The following DNHD1 variants were observed in gnomAD, a reference collection of about 807,000 sequenced individuals.
DNHD1 encodes dynein heavy chain domain 1.
Under a neutral mutation model 458.1 loss-of-function variants are expected in DNHD1, and 383 were observed. That is an observed-to-expected ratio of 0.84 (90% confidence interval 0.77 to 0.91). The LOEUF is 0.91. Among genes scored for constraint, DNHD1 ranks in the 40% least tolerant of loss-of-function variants. The probability of loss-of-function intolerance (pLI) is 0.00; values close to 1 mark genes in which losing one functional copy is unlikely to be tolerated. For synonymous variants in DNHD1, 2,203 were observed against 2,376.9 expected (o/e 0.93, Z 2.13); for missense variants, 5,336 against 5,866.1 (o/e 0.91, Z 2.95).
intron 10 of DNHD1, among the ~76,000 whole-genome samples, chr11:6,523,043 A>G (rs981195258): frequency 1.3e-5 from 2 of 152,190 alleles, no homozygotes; most frequent in African/African-American, 4.8e-5. Context: ...ACGATCAGCT[A>G]ATCACTTTTC....
chr11:6,497,904 G>A lies in DNHD1; in HGVS notation c.-312G>A, dbSNP rs1012302995. ...ACTCTTCTGCAAGGAGGGCTCTCAC[G>A]TCTGTCTTAGGCCTGCTCCTTACCA... On this transcript the variant is annotated 5_prime_UTR_variant, in exon 3 of 43. Transcript: ENST00000254579. The A allele has an allele frequency of 5.5e-6, 2 of 364,594 alleles. No individual in the cohort carries two copies. The highest frequency in any genetic ancestry group is 1.0e-5 in the Non-Finnish European group (2 of 197,794). 22.6% of individuals were successfully genotyped at this position (364,594 alleles called of 1,614,324 possible). A position where few individuals can be genotyped will look rare whatever the true frequency, so the allele number is the denominator to read the frequency against.
At chr11:6,538,333 C>A (rs576987909) in intron 14 of DNHD1, 50 bp from the exon 15 acceptor site, 12 of 1,542,922 alleles carry the variant, frequency 7.8e-6, no homozygotes, top group African/African-American at 4.1e-5. Flanking sequence ...CCACCACCCC[C>A]CTCCCAACAC....
chr11:6,546,332 G>A lies in DNHD1; in HGVS notation c.5393G>A (p.Arg1798His), dbSNP rs377544172. 72 of 1,552,234 alleles carry A rather than the reference G, an allele frequency of 4.6e-5. No individual in the cohort carries two copies. Among genetic ancestry groups the A allele is most frequent in the Middle Eastern group, 3.3e-4 (2 of 6,020 alleles). Residue 1798 changes from arginine (R) to histidine (H), a missense_variant, in exon 21 of 43, where the codon CGC becomes CAC. Arg to His is a conservative substitution (Grantham distance 29, BLOSUM62 0). Around this residue, in one of 4 missense-constraint regions of DNHD1, gnomAD observed 3,932 missense variants for 4,365.6 expected, o/e 0.90. Transcript: ENST00000254579. ...TTTGAAAAACATCACGTGTCTGTGC[G>A]CCTTGGCTATGGCTGTCTCCTGGTA... ...SFFEKHHVSVRLGYGCLLVLR... is the reference protein window; with the variant it reads ...SFFEKHHVSVHLGYGCLLVLR...
At chr11:6,568,615 G>C in intron 38 of DNHD1, 39 bp downstream of exon 38, 1 of 1,613,818 alleles carries the variant, frequency 6.2e-7, no homozygotes. Context: ...CAAATTGGAA[G>C]TGGGAGGGCA....
chr11:6,538,298 C>A, intron 14 of DNHD1, 85 bp from the exon 15 acceptor site: 1 of 1,316,996 alleles, frequency 7.6e-7, no homozygotes, highest in South Asian at 1.3e-5. Context: ...TACCTTCTGT[C>A]ATTATGGGCT....
At position 6,564,687 on chromosome 11, in the gene DNHD1, T is replaced by TA; in HGVS notation, c.10640dup (p.Tyr3547Ter). 1 of 1,551,572 alleles carries TA rather than the reference T, an allele frequency of 6.4e-7. No homozygotes were observed. Among genetic ancestry groups the TA allele is most frequent in the South Asian group, 1.2e-5 (1 of 84,060 alleles). Residue 3547 changes from tyrosine to a stop codon, truncating the protein, a stop_gained and frameshift_variant, in exon 32 of 43, where the codon TAC (tyrosine) becomes TAAC (stop). Transcript: ENST00000254579. LOFTEE classifies it high-confidence loss of function. ...CTTGCTTCTGCGAAGCCCCACACACTACAGTAGTTGCCGTTGGCCTCTGCT... is the reference window on the plus strand; with the variant it reads ...CTTGCTTCTGCGAAGCCCCACACACTAACAGTAGTTGCCGTTGGCCTCTGCT... ...AGLLLRSPTH[Y>*]SSCRWPLLLD...
rs1318035239 is a variant in DNHD1, at chr11:6,547,642, AAGG to A, written c.6709_6711del (p.Glu2237del). 4 of 1,527,788 alleles carry A rather than the reference AAGG, an allele frequency of 2.6e-6. No homozygotes were observed. The highest frequency in any genetic ancestry group is 1.4e-5 in the African/African-American group (1 of 72,646). 94.6% of individuals were successfully genotyped at this position (1,527,788 alleles called of 1,614,324 possible). ...TCTGCTTGACCTCCACCTTCGCCTA[AAGG>A]AGGAGAAGGCCCCTGGCCCAGGTGG... is the stretch of plus-strand genomic sequence containing the variant. On this transcript the variant is annotated inframe_deletion, in exon 21 of 43. Transcript: ENST00000254579.
chr11:6,566,003 T>TTC lies in DNHD1; in HGVS notation c.11053+12_11053+13insTC. ...GGCAGCTGCTTGTGGTGAGAGCTGG[T>TTC]CCCCACCCACCCTGGCCCCTTTTTG... On this transcript the variant is annotated intron_variant, in intron 33 of 42. Transcript: ENST00000254579. The TTC allele has an allele frequency of 6.6e-7, 1 of 1,509,066 alleles. No homozygotes were observed. Among genetic ancestry groups the TTC allele is most frequent in the Non-Finnish European group, 9.0e-7 (1 of 1,110,790 alleles). The allele number at this position is 1,509,066 out of a possible 1,614,324, so 93.5% of individuals were successfully genotyped here.
At position 6,519,952 on chromosome 11, in the gene DNHD1, C is replaced by T. The variant is rs761403490; in HGVS notation, c.1648-13C>T. 6.2e-7 allele frequency: 1 copy of T among 1,613,410 alleles called. No homozygotes were observed. Among genetic ancestry groups the T allele is most frequent in the East Asian group, 2.2e-5 (1 of 44,878 alleles). ...TCTAGCCCCTCGACCTTTCCTGACC[C>T]TTTTTTTTACAGGCCCCAAGGCAGA... On this transcript the variant is annotated splice_polypyrimidine_tract_variant and intron_variant, in intron 8 of 42. Coordinates refer to ENST00000254579, the MANE Select transcript of DNHD1 (RefSeq NM_144666.3).
chr11:6,520,222 A>G lies in DNHD1; in HGVS notation c.1786-16A>G, dbSNP rs1390093782. 3 of 1,561,458 alleles carry G rather than the reference A, an allele frequency of 1.9e-6. No homozygotes were observed. Among genetic ancestry groups the G allele is most frequent in the Non-Finnish European group, 2.6e-6 (3 of 1,151,784 alleles). On this transcript the variant is annotated splice_polypyrimidine_tract_variant and intron_variant, in intron 9 of 42. Transcript: ENST00000254579. ...GCTTTCCCATTTCTGCCCCTTCTCC[A>G]TATCCTGGCATGAAGGTAGTGCAGT... is the stretch of plus-strand genomic sequence containing the variant.
chr11:6,510,559 A>G (rs1054009835), intron 6 of DNHD1, among the ~76,000 whole-genome samples: 1 of 152,134 alleles, frequency 6.6e-6, no homozygotes, highest in African/African-American at 2.4e-5. Flanking sequence ...AGACGGGACA[A>G]ATCTTATTTA....
Position 6,505,050 on chromosome 11 carries a change from C to T in DNHD1, c.920+2124C>T, listed in dbSNP as rs1388037069. Among the ~76,000 whole-genome samples the T allele has an allele frequency of 6.6e-6, 1 of 151,716 alleles. No homozygotes were observed. The highest frequency in any genetic ancestry group is 1.5e-5 in the Non-Finnish European group (1 of 67,902). On this transcript the variant is annotated intron_variant, in intron 4 of 42. Coordinates refer to ENST00000254579, the MANE Select transcript of DNHD1 (RefSeq NM_144666.3). This position sits in a 1 kb window ranked among gnomAD's most constrained non-coding sequence, Gnocchi z 4.4. The stretch of plus-strand genomic sequence containing the variant: ...CTCACTTTGTTGCTCAAGCTGGTCT[C>T]GAACTCCTGGGCTCAAGCTATCCTC...
intron 24 of DNHD1, 21 bp from the exon 25 acceptor site, chr11:6,556,662 A>G (rs1301774106): frequency 1.3e-6 from 2 of 1,519,968 alleles, no homozygotes; most frequent in Admixed American, 4.1e-5. Context: ...TGTCCTCATT[A>G]TTATTCCTCA....
At position 6,523,620 on chromosome 11, in the gene DNHD1, A is replaced by G. The variant is rs151248048; in HGVS notation, c.1837+3331A>G. 1.2e-4 allele frequency among the ~76,000 whole-genome samples: 19 copies of G among 152,310 alleles called. No homozygotes were observed. In the East Asian group the frequency reaches 3.5e-3, roughly 28 times the overall value. ...CATATGTATTATATCAATACATATA[A>G]ATTTTCAATTGAAGCCCCAAATCCC... On this transcript the variant is annotated intron_variant, in intron 10 of 42. Coordinates refer to ENST00000254579, the MANE Select transcript of DNHD1 (RefSeq NM_144666.3).
At chr11:6,537,662 A>G (rs1404445938) in intron 14 of DNHD1, among the ~76,000 whole-genome samples, 1 of 152,144 alleles carries the variant, frequency 6.6e-6, no homozygotes, top group African/African-American at 2.4e-5. Flanking sequence ...GCTAGGCGCA[A>G]TGGCTCATGC....
At chr11:6,549,233 C>A (rs1853284778) in intron 24 of DNHD1, among the ~76,000 whole-genome samples, 1 of 152,104 alleles carries the variant, frequency 6.6e-6, no homozygotes, top group Non-Finnish European at 1.5e-5. Flanking sequence ...CAGACCCAAC[C>A]CTGAGCTCAT....
In DNHD1 at chr11:6,570,648, G is replaced by A. The variant is rs1853823471; in HGVS notation, c.13136G>A (p.Cys4379Tyr). 3 of 1,611,206 alleles carry A rather than the reference G, an allele frequency of 1.9e-6. No individual in the cohort carries two copies. Among genetic ancestry groups the A allele is most frequent in the African/African-American group, 2.7e-5 (2 of 74,858 alleles). ...ELRELDAMAE[C>Y]KAQMHLLPSP... ...AGGGAGCTGGATGCAATGGCAGAGT[G>A]CAAGGCCCAGATGCACCTACTGCCC... is the stretch of plus-strand genomic sequence containing the variant. The change falls in exon 42 of 43, where the codon TGC becomes TAC. Residue 4379 changes from cysteine (C) to tyrosine (Y), a missense_variant. Cys to Tyr is a radical substitution (Grantham distance 194). Transcript: ENST00000254579.
chr11:6,536,119 C>T (rs1450105477), intron 14 of DNHD1, among the ~76,000 whole-genome samples: 3 of 151,964 alleles, frequency 2.0e-5, no homozygotes, highest in African/African-American at 7.3e-5. Context: ...AAAAACACAA[C>T]ATGAGGAACT....
chr11:6,520,136 A>C (rs1159611135), intron 9 of DNHD1, 34 bp downstream of exon 9: 1 of 1,613,876 alleles, frequency 6.2e-7, no homozygotes, highest in African/African-American at 1.3e-5. Flanking sequence ...TGGCTGTGGG[A>C]ATTCCCAGTT....
Sources: allele counts gnomAD v4.1 joint callset (sites outside exome capture counted in the v4.1 genomes callset), GRCh38; gene constraint gnomAD v4.1.1; regional missense constraint gnomAD v4.1.1; non-coding constraint Gnocchi (gnomAD v3.1); transcripts MANE v1.5; gene names NCBI Gene and HGNC (gene_info 2026-07-23, HGNC 2026-07-21).